STK17B: variants seen among roughly 807,000 people sequenced by gnomAD.
STK17B encodes the protein serine/threonine-protein kinase 17B.
In STK17B, 21 loss-of-function variants were observed where a neutral mutation model predicts 42.0. The ratio of observed to expected loss-of-function variants is 0.50; its 90% CI spans 0.35 to 0.72. The LOEUF is 0.72. STK17B is among the 30% of genes least tolerant of loss of function. The pLI, the probability that STK17B is intolerant of heterozygous loss-of-function variation, is 0.00. For missense variants in STK17B, 349 were observed against 446.0 expected (o/e 0.78, Z 1.96); for synonymous variants, 143 against 148.4 (o/e 0.96, Z 0.26).
chr2:196,145,354 A>G (rs935430472), intron 4 of STK17B, among the ~76,000 whole-genome samples: 5 of 152,078 alleles, frequency 3.3e-5, no homozygotes, highest in African/African-American at 1.2e-4. Flanking sequence ...TTCAGATCTT[A>G]AGGTCCTTGT....
intron 4 of STK17B, among the ~76,000 whole-genome samples, chr2:196,145,267 T>C (rs145790673): frequency 3.3e-5 from 5 of 151,956 alleles, no homozygotes; most frequent in African/African-American, 9.7e-5. Flanking sequence ...AAAGTGGTAA[T>C]AGAAGCCAAA....
chr2:196,166,415 C>T (rs901696229), intron 1 of STK17B: 12 of 152,034 alleles, frequency 7.9e-5, no homozygotes, highest in African/African-American at 2.4e-4. Flanking sequence ...TTCATATTAC[C>T]GATTCTAAAT....
intron 3 of STK17B, among the ~76,000 whole-genome samples, chr2:196,148,636 T>C (rs1157093773): frequency 6.6e-6 from 1 of 152,192 alleles, no homozygotes; most frequent in African/African-American, 2.4e-5. Flanking sequence ...TGAATTTACA[T>C]ATTTACACCC....
intron 7 of STK17B, among the ~76,000 whole-genome samples, chr2:196,138,571 G>GT (rs141542811): frequency 0.093 from 13,911 of 148,976 alleles, 1,063 homozygotes; most frequent in East Asian, 0.27. Context: ...ATCACTTTTG[G>GT]TTTTTTTTTG....
At chr2:196,162,993 C>G (rs1175727720) in intron 2 of STK17B, among the ~76,000 whole-genome samples, 2 of 152,164 alleles carry the variant, frequency 1.3e-5, no homozygotes, top group African/African-American at 4.8e-5. Flanking sequence ...GCTGAGCTGC[C>G]TCTTCCCATG....
chr2:196,166,960 A>C (rs1699881612), intron 1 of STK17B, among the ~76,000 whole-genome samples: 2 of 152,214 alleles, frequency 1.3e-5, no homozygotes, highest in African/African-American at 4.8e-5. Flanking sequence ...ACAAGCTTTC[A>C]AGTACTTACA....
upstream of STK17B, among the ~76,000 whole-genome samples, chr2:196,172,094 G>C (rs1284918419): frequency 1.3e-5 from 2 of 152,224 alleles, no homozygotes; most frequent in African/African-American, 4.8e-5. Flanking sequence ...GCTACAACTT[G>C]GCAGAGGTTC....
At chr2:196,160,741 T>C (rs961441793) in intron 2 of STK17B, among the ~76,000 whole-genome samples, 5 of 152,168 alleles carry the variant, frequency 3.3e-5, no homozygotes, top group African/African-American at 1.2e-4. Flanking sequence ...AAGAAAGATG[T>C]TACTTGGTCT....
rs1226743030 is a variant in STK17B at position 196,137,452 on chromosome 2, A to G, written c.1114T>C (p.Cys372Arg). Reference sequence around the variant, plus strand: ...ATGAGTCAAAGAAAAAAGTGCTAACAGAGCAAATCTGAAACAAGTTCATGG... The same window carrying G: ...ATGAGTCAAAGAAAAAAGTGCTAACGGAGCAAATCTGAAACAAGTTCATGG... ...NPHELVSDLLC is the reference protein window; with the variant it reads ...NPHELVSDLLR The change falls in exon 8 of 8, where the codon TGT becomes CGT. Residue 372 changes from cysteine (C) to arginine (R), a missense_variant. By Grantham distance (180) the Cys-to-Arg change is radical. Around this residue, in one of 3 missense-constraint regions of STK17B, gnomAD observed 87 missense variants for 78.8 expected, o/e 1.10. Coordinates refer to ENST00000263955, the MANE Select transcript of STK17B (RefSeq NM_004226.4). 1.9e-6 allele frequency: 3 copies of G among 1,612,902 alleles called. No individual in the cohort carries two copies. Among genetic ancestry groups the G allele is most frequent in the Non-Finnish European group, 2.5e-6 (3 of 1,179,532 alleles).
At position 196,163,435 on chromosome 2, in the gene STK17B, A is replaced by G. The variant is rs767029881; in HGVS notation, c.-44-8T>C. ...TTAGTCACTTATTTTTACCTATGCAAAAAAAGAGAATACAGAGAAAAGATG... is the reference window on the plus strand; with the variant it reads ...TTAGTCACTTATTTTTACCTATGCAGAAAAAGAGAATACAGAGAAAAGATG... On this transcript the variant is annotated splice_polypyrimidine_tract_variant and splice_region_variant and intron_variant, in intron 1 of 7. Transcript: ENST00000263955. 1.3e-6 allele frequency: 2 copies of G among 1,526,784 alleles called. No homozygotes were observed. The highest frequency in any genetic ancestry group is 8.7e-7 in the Non-Finnish European group (1 of 1,144,814). 94.6% of individuals were successfully genotyped at this position (1,526,784 alleles called of 1,614,324 possible).
At chr2:196,147,875 G>C (rs2105688884) in intron 3 of STK17B, among the ~76,000 whole-genome samples, 1 of 152,090 alleles carries the variant, frequency 6.6e-6, no homozygotes, top group Middle Eastern at 3.4e-3. Flanking sequence ...GGGACTACAG[G>C]TGCATGCCAC....
intron 3 of STK17B, chr2:196,151,230 C>T (rs181017733): frequency 1.3e-5 from 2 of 151,948 alleles, no homozygotes; most frequent in Non-Finnish European, 2.9e-5. Context: ...AGTTTTTGTT[C>T]TGTGTTCTCC....
intron 6 of STK17B, among the ~76,000 whole-genome samples, chr2:196,140,363 A>G (rs1240248943): frequency 6.6e-6 from 1 of 152,194 alleles, no homozygotes; most frequent in African/African-American, 2.4e-5. Flanking sequence ...TCCACAGAAC[A>G]CAGAACAGGT....
At chr2:196,159,905 T>C (rs1444497817) in intron 2 of STK17B, among the ~76,000 whole-genome samples, 2 of 152,158 alleles carry the variant, frequency 1.3e-5, no homozygotes, top group Admixed American at 6.5e-5. Context: ...TCTTAAAAGA[T>C]TGAGATTCCA....
chr2:196,164,907 TGG>T (rs1221362158), intron 1 of STK17B, among the ~76,000 whole-genome samples: 1 of 152,216 alleles, frequency 6.6e-6, no homozygotes, highest in Non-Finnish European at 1.5e-5. Flanking sequence ...TAACTAGTTT[TGG>T]GGTACATCTC....
intron 3 of STK17B, among the ~76,000 whole-genome samples, chr2:196,146,940 C>G (rs1254354598): frequency 1.3e-5 from 2 of 152,056 alleles, no homozygotes; most frequent in African/African-American, 4.8e-5. Context: ...TTCTAAAGAA[C>G]TGAAATTTAA....
At chr2:196,159,502 G>A (rs1033783612) in intron 2 of STK17B, among the ~76,000 whole-genome samples, 1 of 152,050 alleles carries the variant, frequency 6.6e-6, no homozygotes, top group Non-Finnish European at 1.5e-5. Flanking sequence ...TGTACAGACA[G>A]TGTCTCCCTA....
intron 2 of STK17B, among the ~76,000 whole-genome samples, chr2:196,158,033 A>G (rs1699761711): frequency 6.6e-6 from 1 of 152,250 alleles, no homozygotes; most frequent in Admixed American, 6.5e-5. Flanking sequence ...AAGAACCTCT[A>G]CCTTAAATTT....
Position 196,143,594 on chromosome 2 carries a change from T to C in STK17B, c.573A>G (p.Glu191=). The change falls in exon 5 of 8, where the codon GAA becomes GAG. Residue 191 remains glutamate (E), a synonymous_variant. Transcript: ENST00000263955. ...GMSRKIGHAC[E]LREIMGTPEY... is the part of the protein sequence containing the mutation. Reference sequence around the variant, plus strand: ...CTGGTGTTCCCATGATTTCCCGAAGTTCACACGCATGCCCTATTTTTCGAG... The same window carrying C: ...CTGGTGTTCCCATGATTTCCCGAAGCTCACACGCATGCCCTATTTTTCGAG... 2 of 1,608,608 alleles carry C rather than the reference T, an allele frequency of 1.2e-6. No individual in the cohort carries two copies. The highest frequency in any genetic ancestry group is 2.7e-5 in the African/African-American group (2 of 74,710).
Sources: gnomAD v4.1 joint callset for allele counts (sites outside exome capture counted in the v4.1 genomes callset) on GRCh38, gnomAD v4.1.1 for gene constraint, gnomAD v4.1.1 regional missense constraint, MANE v1.5 for transcripts, NCBI Gene and HGNC (gene_info 2026-07-23, HGNC 2026-07-21) for gene names.